CCNE2: variants seen among roughly 807,000 people sequenced by gnomAD.
The protein encoded by CCNE2 is G1/S-specific cyclin-E2.
In CCNE2, 18 loss-of-function variants were observed where a neutral mutation model predicts 56.8. That is an observed-to-expected ratio of 0.32 (90% CI 0.22 to 0.47). The LOEUF (loss-of-function observed/expected upper bound fraction) is 0.47. Ranked by LOEUF, CCNE2 falls within the 20% of genes least tolerant of loss-of-function variation. The pLI is 1.00. For missense variants in CCNE2, 371 were observed against 467.1 expected (o/e 0.79, Z 1.90); for synonymous variants, 139 against 149.2 (o/e 0.93, Z 0.50).
At chr8:94,896,128 A>G (rs554494604), upstream of CCNE2, among the ~76,000 whole-genome samples, 1 of 152,210 alleles carries the variant, frequency 6.6e-6, no homozygotes, top group Admixed American at 6.5e-5. Flanking sequence ...CCGGGATCCC[A>G]GAGGGTAAAA....
At chr8:94,887,857 G>A in intron 7 of CCNE2, 70 bp downstream of exon 7, 1 of 1,007,292 alleles carries the variant, frequency 9.9e-7, no homozygotes, top group Non-Finnish European at 1.4e-6. Flanking sequence ...AGTATTCTTT[G>A]GGATTAATAT....
At chr8:94,894,328 G>A (rs1586560141) in intron 1 of CCNE2, 81 bp from the exon 2 acceptor site, 2 of 1,404,400 alleles carry the variant, frequency 1.4e-6, no homozygotes, top group Non-Finnish European at 2.0e-6. Flanking sequence ...CTGATTCGCA[G>A]GTGAAAGCTC....
At chr8:94,889,746 G>T (rs1479686142) in intron 6 of CCNE2, among the ~76,000 whole-genome samples, 1 of 152,096 alleles carries the variant, frequency 6.6e-6, no homozygotes, top group East Asian at 1.9e-4. Flanking sequence ...AAATCAGTTT[G>T]TCATCAACAT....
At chr8:94,882,088 C>A (rs554714016) in intron 11 of CCNE2, 44 bp downstream of exon 11, 5 of 1,558,962 alleles carry the variant, frequency 3.2e-6, no homozygotes, top group Non-Finnish European at 4.3e-6. Flanking sequence ...TGGTGACTTA[C>A]TAGATTCAGA....
rs147529921 is a variant in CCNE2 at position 94,887,095 on chromosome 8, C to A, written c.600+832G>T. 3.0e-3 allele frequency among the ~76,000 whole-genome samples: 458 copies of A among 152,236 alleles called. 5 individuals are homozygous for A. The highest frequency in any genetic ancestry group is 0.01 in the African/African-American group (430 of 41,504). On this transcript the variant is annotated intron_variant, in intron 7 of 11. Coordinates refer to ENST00000308108, the MANE Select transcript of CCNE2 (RefSeq NM_057749.3). ...TCAAAATGATACCAGCTATAAAAGT[C>A]TTAGATGAAAGTATTGATGATATCC...
In CCNE2 at chr8:94,890,533, T is replaced by G. The variant is rs1817192379; in HGVS notation, c.335A>C (p.Glu112Ala). 2 of 1,564,570 alleles carry G rather than the reference T, an allele frequency of 1.3e-6. No homozygotes were observed. Among genetic ancestry groups the G allele is most frequent in the Non-Finnish European group, 1.7e-6 (2 of 1,150,598 alleles). ...LPDLSWGCSKEVWLNMLKKES... is the reference protein window; with the variant it reads ...LPDLSWGCSKAVWLNMLKKES... ...CTTTTTTAACATGTTTAGCCAGACTTCTTTTGAACATCCCCAGCTATGGAA... is the reference window on the plus strand; with the variant it reads ...CTTTTTTAACATGTTTAGCCAGACTGCTTTTGAACATCCCCAGCTATGGAA... Residue 112 changes from glutamate (E) to alanine (A), a missense_variant, in exon 6 of 12, where the codon GAA becomes GCA. Glu to Ala is a moderately radical substitution (Grantham distance 107). Coordinates refer to ENST00000308108, the MANE Select transcript of CCNE2 (RefSeq NM_057749.3).
chr8:94,896,407 G>A (rs1030306685), upstream of CCNE2: 19 of 152,126 alleles, frequency 1.2e-4, no homozygotes, highest in Admixed American at 7.2e-4. Flanking sequence ...TTTAAACTTA[G>A]GGGTCCCTTC....
chr8:94,888,152 T>C (rs1166416729), intron 6 of CCNE2, 79 bp from the exon 7 acceptor site: 8 of 1,041,258 alleles, frequency 7.7e-6, no homozygotes, highest in Admixed American at 2.8e-5. Context: ...CATATCAGAC[T>C]TTAAAATATG....
At chr8:94,891,705 C>A in intron 5 of CCNE2, 28 of 609,710 alleles carry the variant, frequency 4.6e-5, no homozygotes, top group East Asian at 6.7e-5. Flanking sequence ...TTTAAAATGT[C>A]ACTTTACAGA....
rs1479235531 is a variant in CCNE2, at chr8:94,880,366, A to G, written c.*1266T>C. ...CTTTTCAGACAAAATACTGAAACAA[A>G]TATTAGTTTAAAAACAAACTATACA... On this transcript the variant is annotated 3_prime_UTR_variant, in exon 12 of 12. Coordinates refer to ENST00000308108, the MANE Select transcript of CCNE2 (RefSeq NM_057749.3). The G allele has an allele frequency of 3.6e-6, 2 of 551,058 alleles. No homozygotes were observed. Among genetic ancestry groups the G allele is most frequent in the Admixed American group, 3.4e-5 (1 of 29,234 alleles). The allele number at this position is 551,058 out of a possible 1,614,324, so 34.1% of individuals were successfully genotyped here.
At chr8:94,895,045 A>C (rs2131132210) in intron 1 of CCNE2, 132 bp downstream of exon 1, 2 of 344,412 alleles carry the variant, frequency 5.8e-6, no homozygotes, top group African/African-American at 2.2e-5. Flanking sequence ...GAACGCGGGA[A>C]CCCATGACCC....
intron 6 of CCNE2, among the ~76,000 whole-genome samples, chr8:94,889,896 G>A (rs1381080374): frequency 2.0e-5 from 3 of 152,108 alleles, no homozygotes; most frequent in Non-Finnish European, 4.4e-5. Flanking sequence ...TTAAATTAAT[G>A]GTATATTTCG....
chr8:94,890,780 G>A lies in CCNE2; in HGVS notation c.318-230C>T, dbSNP rs979009138. Among the ~76,000 whole-genome samples the A allele has an allele frequency of 1.3e-5, 2 of 151,830 alleles. 1 individual carries two copies. The highest frequency in any genetic ancestry group is 4.2e-4 in the South Asian group (2 of 4,812). ...GGCTAGTTTTTGTATTTTTAGTAGAGATGGGGTTTCACCATGTTGGCTGGG... is the reference window on the plus strand; with the variant it reads ...GGCTAGTTTTTGTATTTTTAGTAGAAATGGGGTTTCACCATGTTGGCTGGG... On this transcript the variant is annotated intron_variant, in intron 5 of 11. Transcript: ENST00000308108.
At chr8:94,891,567 A>G (rs1443793303) in intron 5 of CCNE2, 4 of 347,278 alleles carry the variant, frequency 1.2e-5, no homozygotes, top group Non-Finnish European at 2.2e-5. Context: ...CTGAGGCAGG[A>G]GAATCACTTG....
Position 94,885,450 on chromosome 8 carries a change from T to C in CCNE2, c.696+13A>G, listed in dbSNP as rs200912183. ...TTTCTTTTTTGCAACTAGGAAAACA[T>C]AATTATTATTACCTTTAATATAATG... On this transcript the variant is annotated intron_variant, in intron 8 of 11. Coordinates refer to ENST00000308108, the MANE Select transcript of CCNE2 (RefSeq NM_057749.3). 505 of 1,484,832 alleles carry C rather than the reference T, an allele frequency of 3.4e-4. No homozygotes were observed. Among genetic ancestry groups the C allele is most frequent in the Non-Finnish European group, 1.9e-4 (202 of 1,080,182 alleles). 92.0% of individuals were successfully genotyped at this position (1,484,832 alleles called of 1,614,324 possible).
chr8:94,884,323 G>A (rs983796842), intron 9 of CCNE2, among the ~76,000 whole-genome samples: 49 of 146,822 alleles, frequency 3.3e-4, no homozygotes, highest in Non-Finnish European at 5.7e-4. Context: ...AAGTAAGCAA[G>A]AAAGAATGGG....
intron 7 of CCNE2, among the ~76,000 whole-genome samples, chr8:94,887,064 CTT>C (rs1220965130): frequency 5.3e-5 from 8 of 152,170 alleles, no homozygotes; most frequent in African/African-American, 1.7e-4. Context: ...CACAATCCCT[CTT>C]CTCTCAAAAT....
In CCNE2 at chr8:94,882,117, C is replaced by CA. The variant is rs751679116; in HGVS notation, c.1101+14dup. 8.8e-6 allele frequency: 14 copies of CA among 1,589,010 alleles called. No homozygotes were observed. The highest frequency in any genetic ancestry group is 1.1e-5 in the Non-Finnish European group (13 of 1,167,730). On this transcript the variant is annotated intron_variant, in intron 11 of 11. Transcript: ENST00000308108. The stretch of plus-strand genomic sequence containing the variant: ...ATTCAGATAGCAAAGCCAAAAAACT[C>CA]ACAAAAAAACATACCAGCATAGCCA...
chr8:94,891,673 A>G (rs1330925154), intron 5 of CCNE2: 1 of 535,502 alleles, frequency 1.9e-6, no homozygotes. Flanking sequence ...AAAAAAAAAA[A>G]AAAAAAACAC....
Sources: allele counts gnomAD v4.1 joint callset (sites outside exome capture counted in the v4.1 genomes callset), GRCh38; gene constraint gnomAD v4.1.1; transcripts MANE v1.5; gene names NCBI Gene and HGNC (gene_info 2026-07-23, HGNC 2026-07-21).